Variants in TTN observed in about 807,000 individuals in gnomAD.
The protein encoded by TTN is connectin.
In TTN, 1,525 loss-of-function variants were observed where a neutral mutation model predicts 3,223.0. The ratio of observed to expected loss-of-function variants is 0.47; its 90% CI spans 0.45 to 0.49. The LOEUF is 0.49. Among genes scored for constraint, TTN ranks in the 20% least tolerant of loss-of-function variants. TTN has a pLI of 0.00. For missense variants in TTN, 40,786 were observed against 43,424.0 expected (o/e 0.94, Z 5.40); for synonymous variants, 14,094 against 15,161.0 (o/e 0.93, Z 5.17).
At chr2:178,695,681 T>C (rs952657825) in intron 114 of TTN, among the ~76,000 whole-genome samples, 184 bp downstream of exon 114, 1 of 151,986 alleles carries the variant, frequency 6.6e-6, no homozygotes, top group South Asian at 2.1e-4. Context: ...ATTTAGCTTG[T>C]AATGTCAAAG....
At chr2:178,732,787 T>G in intron 55 of TTN, 47 bp downstream of exon 55, 1 of 1,569,360 alleles carries the variant, frequency 6.4e-7, no homozygotes, top group Non-Finnish European at 8.6e-7. Context: ...ATGACTTAAT[T>G]TGAACATAAT....
chr2:178,789,603 T>A, intron 12 of TTN, 106 bp from the exon 13 acceptor site: 1 of 1,417,122 alleles, frequency 7.1e-7, no homozygotes, highest in Non-Finnish European at 9.8e-7. Flanking sequence ...TATTCAGGGT[T>A]AAATACACAA....
rs1577958756 is a variant in TTN, at chr2:178,718,374, C to T, written c.24732G>A (p.Leu8244=). 1 of 1,613,774 alleles carries T rather than the reference C, an allele frequency of 6.2e-7. No homozygotes were observed. The highest frequency in any genetic ancestry group is 1.3e-5 in the African/African-American group (1 of 75,042). The change falls in exon 85 of 363, where the codon CTG becomes CTA. Residue 8244 remains leucine (L), a synonymous_variant. Transcript: ENST00000589042. ...TIEDYAQYSC[L]IENEAGQDIC... is the part of the protein sequence containing the mutation. ...TATCTTGACCAGCCTCATTTTCTAT[C>T]AGGCAGCTGTACTGTGCATAATCCT...
Position 178,739,896 on chromosome 2 carries a change from G to A in TTN, c.13337C>T (p.Thr4446Ile). ...TTCTTCTGTTACAGACTTTGCCGAA[G>A]TAACAAGGTACATGCACATGATGTG... is the stretch of plus-strand genomic sequence containing the variant. ...PRHIMCMYLV[T>I]SAKSVTEEVT... The change falls in exon 48 of 363, where the codon ACT becomes ATT. Residue 4446 changes from threonine to isoleucine, a missense_variant. Coordinates refer to ENST00000589042, the MANE Select transcript of TTN (RefSeq NM_001267550.2). 6.2e-7 allele frequency: 1 copy of A among 1,613,862 alleles called. No homozygotes were observed. The highest frequency in any genetic ancestry group is 8.5e-7 in the Non-Finnish European group (1 of 1,179,836).
At chr2:178,629,202 G>A in intron 240 of TTN, 99 bp downstream of exon 240, 1 of 1,439,950 alleles carries the variant, frequency 6.9e-7, no homozygotes, top group South Asian at 1.5e-5. Flanking sequence ...AAAGACAGAG[G>A]AAGAGACATT....
At chr2:178,625,624 CA>C (rs1559910229) in intron 240 of TTN, among the ~76,000 whole-genome samples, 2 of 151,790 alleles carry the variant, frequency 1.3e-5, no homozygotes, top group Admixed American at 6.6e-5. Context: ...GCACAATGTG[CA>C]GGTTAGTTAC....
In TTN at chr2:178,759,150, G is replaced by A. The variant is rs780484618; in HGVS notation, c.10137C>T (p.Ser3379=). 1 of 1,613,842 alleles carries A rather than the reference G, an allele frequency of 6.2e-7. No homozygotes were observed. Among genetic ancestry groups the A allele is most frequent in the South Asian group, 1.1e-5 (1 of 91,062 alleles). Residue 3379 remains serine, a synonymous_variant, in exon 44 of 363, where the codon AGC becomes AGT. Transcript: ENST00000589042. ...SGTDLKVSWY[S]KDKKIKPSRF... Reference sequence around the variant, plus strand: ...GAGATGGCTTGATTTTCTTGTCTTTGCTGTACCACGACACTTTTAGATCTG... The same window carrying A: ...GAGATGGCTTGATTTTCTTGTCTTTACTGTACCACGACACTTTTAGATCTG...
rs1414224093 is a variant in TTN at position 178,770,496 on chromosome 2, T to A, written c.8296A>T (p.Ile2766Phe). The stretch of plus-strand genomic sequence containing the variant: ...TCATCCACGATGGCACAGTTTTTAA[T>A]CCTCAGAGAGTAAATTGTTCCTTTG... ...SVKGTIYSLR[I>F]KNCAIVDESV... is the part of the protein sequence containing the mutation. Residue 2766 changes from isoleucine (I) to phenylalanine (F), a missense_variant, in exon 35 of 363, where the codon ATT becomes TTT. Transcript: ENST00000589042. 1 of 1,614,170 alleles carries A rather than the reference T, an allele frequency of 6.2e-7. No individual in the cohort carries two copies. The highest frequency in any genetic ancestry group is 2.2e-5 in the East Asian group (1 of 44,874).
Position 178,556,898 on chromosome 2 carries a change from A to C in TTN, c.88256T>G (p.Ile29419Ser), listed in dbSNP as rs1406975324. The change falls in exon 330 of 363, where the codon ATT (isoleucine) becomes AGT (serine). Residue 29419 changes from isoleucine (I) to serine (S), a missense_variant. Ile to Ser is a moderately radical substitution (Grantham distance 142). Transcript: ENST00000589042. ...CCCTACAACCTCAGATGGATTGCTA[A>C]TGGAACCAACAGCATTCCTAGCAAA... ...RVFARNAVGS[I>S]SNPSEVVGPI... is the part of the protein sequence containing the mutation. The C allele has an allele frequency of 6.2e-7, 1 of 1,613,856 alleles. No homozygotes were observed. The highest frequency in any genetic ancestry group is 1.1e-5 in the South Asian group (1 of 91,084).
At chr2:178,727,465 A>G (rs1221844924) in intron 68 of TTN, 94 bp from the exon 69 acceptor site, 10 of 1,503,774 alleles carry the variant, frequency 6.6e-6, no homozygotes, top group Non-Finnish European at 8.0e-6. Flanking sequence ...AACATGAGCA[A>G]ATACTGTTTA....
In TTN at chr2:178,709,860, T is replaced by A; in HGVS notation, c.28463-4A>T. The A allele has an allele frequency of 6.2e-7, 1 of 1,606,298 alleles. No individual in the cohort carries two copies. The highest frequency in any genetic ancestry group is 8.5e-7 in the Non-Finnish European group (1 of 1,175,504). On this transcript the variant is annotated splice_polypyrimidine_tract_variant and splice_region_variant and intron_variant, in intron 98 of 362. Transcript: ENST00000589042. ...AAACTTGGTGGGATGAGCCGCTCTA[T>A]AAGAAATTGCAAGGATATATGAAGT...
At position 178,560,261 on chromosome 2, in the gene TTN, C is replaced by T. The variant is rs538641703; in HGVS notation, c.85871G>A (p.Arg28624His). 119 of 1,613,780 alleles carry T rather than the reference C, an allele frequency of 7.4e-5. 2 individuals carry two copies. The South Asian group carries it at 7.8e-4, about 11-fold the overall frequency. ...GLREGCEYEY[R>H]VYAENAAGLS... is the part of the protein sequence containing the mutation. ...GCCAGCAGCATTTTCTGCATAAACA[C>T]GATATTCATATTCACATCCTTCCCG... The change falls in exon 326 of 363, where the codon CGT becomes CAT. Residue 28624 changes from arginine (R) to histidine (H), a missense_variant. Physicochemically the swap from Arg to His is conservative, Grantham distance 29. Transcript: ENST00000589042.
chr2:178,720,311 G>A lies in TTN; in HGVS notation c.23378-47C>T, dbSNP rs1242397840. ...TAGAGGAAAAAATGTGAGAATCATG[G>A]CCACACAAGTTATTAGTTAGGCAAG... is the stretch of plus-strand genomic sequence containing the variant. On this transcript the variant is annotated intron_variant, in intron 80 of 362. Transcript: ENST00000589042. The A allele has an allele frequency of 5.6e-6, 9 of 1,593,858 alleles. No homozygotes were observed. The South Asian group carries it at 8.0e-5, about 14-fold the overall frequency.
rs1199114261 is a variant in TTN at position 178,552,236 on chromosome 2, G to T, written c.90664C>A (p.Leu30222Ile). The change falls in exon 335 of 363, where the codon CTT becomes ATT. Residue 30222 changes from leucine (L) to isoleucine (I), a missense_variant. Physicochemically the swap from Leu to Ile is conservative, Grantham distance 5. Transcript: ENST00000589042. ...RIAVPITVIT[L>I]GPPSKPKGPI... ...CCTTTGGGCTTTGATGGTGGGCCAA[G>T]GGTGATGACTGTAATGGGGACTGCA... The T allele has an allele frequency of 6.2e-7, 1 of 1,613,410 alleles. No homozygotes were observed. Among genetic ancestry groups the T allele is most frequent in the Admixed American group, 1.7e-5 (1 of 59,974 alleles).
chr2:178,585,915 T>C (rs1236265530), intron 308 of TTN, among the ~76,000 whole-genome samples: 1 of 152,122 alleles, frequency 6.6e-6, no homozygotes, highest in Non-Finnish European at 1.5e-5. Flanking sequence ...TGTGCATGTG[T>C]CTTTATAGTA....
In TTN at chr2:178,622,742, T is replaced by G; in HGVS notation, c.44841A>C (p.Pro14947=). ...TTTCTCTAACTTGAAGGTCGGTGAG[T>G]GGTCTTAAGAATTCCACATGAGGAG... The part of the protein sequence containing the change: ...VVPPHVEFLR[P]LTDLQVREKE... Residue 14947 remains proline (P), a synonymous_variant, in exon 243 of 363, where the codon CCA becomes CCC. Coordinates refer to ENST00000589042, the MANE Select transcript of TTN (RefSeq NM_001267550.2). 6.2e-7 allele frequency: 1 copy of G among 1,604,166 alleles called. No homozygotes were observed. The highest frequency in any genetic ancestry group is 8.5e-7 in the Non-Finnish European group (1 of 1,175,272).
chr2:178,745,582 A>T (rs1232760152), intron 47 of TTN: 1 of 1,612,244 alleles, frequency 6.2e-7, no homozygotes, highest in Non-Finnish European at 8.5e-7. Context: ...AAAACATTAC[A>T]TTTTAAGTTA....
chr2:178,567,246 C>T lies in TTN; in HGVS notation c.78886G>A (p.Val26296Ile), dbSNP rs754938831. The T allele has an allele frequency of 6.2e-7, 1 of 1,606,508 alleles. No homozygotes were observed. Among genetic ancestry groups the T allele is most frequent in the Non-Finnish European group, 8.5e-7 (1 of 1,176,320 alleles). The stretch of plus-strand genomic sequence containing the variant: ...CATTTTTCAGAAGTGACTCCAGTAA[C>T]CTGGACTGGCCCTTCTGGAGGTCCT... Reference protein sequence around the residue: ...RPGPPEGPVQVTGVTSEKCSL... With the variant: ...RPGPPEGPVQITGVTSEKCSL... The change falls in exon 326 of 363, where the codon GTT (valine) becomes ATT (isoleucine). Residue 26296 changes from valine (V) to isoleucine (I), a missense_variant. Transcript: ENST00000589042.
chr2:178,573,323 AT>A lies in TTN; in HGVS notation c.72808del (p.Ile24270LeufsTer11). The A allele has an allele frequency of 6.4e-7, 1 of 1,562,734 alleles. No homozygotes were observed. The highest frequency in any genetic ancestry group is 8.7e-7 in the Non-Finnish European group (1 of 1,155,544). ...ERRDKAGQRW[I>X]KCNKKTLTDL... ...AGTAAGAGTTTTTTTGTTGCATTTA[AT>A]CCAGCGTTGGCCAGCTTTATCACGC... On this transcript the variant is annotated frameshift_variant, in exon 326 of 363. Transcript: ENST00000589042. LOFTEE classifies it high-confidence loss of function.
Sources: allele counts gnomAD v4.1 joint callset (sites outside exome capture counted in the v4.1 genomes callset), GRCh38; gene constraint gnomAD v4.1.1; transcripts MANE v1.5; gene names NCBI Gene and HGNC (gene_info 2026-07-23, HGNC 2026-07-21).